MYO9A: variants seen among roughly 807,000 people sequenced by gnomAD.
MYO9A encodes unconventional myosin-IXa.
MYO9A carries 103 observed loss-of-function variants against 293.3 expected under a neutral mutation model. The observed-to-expected ratio is 0.35, with a 90% confidence interval of 0.30 to 0.41. The LOEUF (loss-of-function observed/expected upper bound fraction) is 0.41. Ranked by LOEUF, MYO9A falls within the 10% of genes least tolerant of loss-of-function variation. MYO9A has a pLI of 1.00. For synonymous variants in MYO9A, 1,001 were observed against 1,035.7 expected, an observed-to-expected ratio of 0.97 and a Z score of 0.64; for missense variants, 2,685 against 3,033.0, an observed-to-expected ratio of 0.89 and a Z score of 2.69.
upstream of MYO9A, chr15:72,118,182 G>C: frequency 2.7e-6 from 1 of 365,014 alleles, no homozygotes; most frequent in Admixed American, 4.7e-5. Flanking sequence ...CTGCCAGCAC[G>C]GGTCGGCCCC....
intron 1 of MYO9A, among the ~76,000 whole-genome samples, chr15:72,091,325 T>C (rs185639473): frequency 2.6e-5 from 4 of 152,324 alleles, no homozygotes; most frequent in African/African-American, 4.8e-5. Context: ...TTGATATCCA[T>C]ATGGGGTGTT....
At position 71,825,390 on chromosome 15, in the gene MYO9A, C is replaced by G. The variant is rs1410537159; in HGVS notation, c.*1190G>C. The G allele has an allele frequency of 1.3e-5, 2 of 152,128 alleles. No individual in the cohort carries two copies. Among genetic ancestry groups the G allele is most frequent in the Non-Finnish European group, 2.9e-5 (2 of 68,030 alleles). The allele number at this position is 152,128 out of a possible 1,614,324, so 9.4% of individuals were successfully genotyped here. A position where few individuals can be genotyped will look rare whatever the true frequency, so the allele number is the denominator to read the frequency against. ...CATATTTACAATAAACTTCAGTAAC[C>G]AGAATATTAACAAAAATAGCTTCAA... is the stretch of plus-strand genomic sequence containing the variant. On this transcript the variant is annotated 3_prime_UTR_variant, in exon 42 of 42. Coordinates refer to ENST00000356056, the MANE Select transcript of MYO9A (RefSeq NM_006901.4).
At chr15:71,868,324 T>C (rs185458451) in intron 32 of MYO9A, among the ~76,000 whole-genome samples, 4 of 152,322 alleles carry the variant, frequency 2.6e-5, no homozygotes, top group East Asian at 1.9e-4. Context: ...CAAAAGAGGA[T>C]TGAGTCCTTC....
At chr15:71,995,721 T>A (rs879894618) in intron 9 of MYO9A, among the ~76,000 whole-genome samples, 2 of 152,088 alleles carry the variant, frequency 1.3e-5, no homozygotes, top group African/African-American at 4.8e-5. Flanking sequence ...TTTTGAAGTA[T>A]AAAGAAAATA....
At chr15:71,841,706 G>C (rs2055166757) in intron 39 of MYO9A, among the ~76,000 whole-genome samples, 1 of 151,704 alleles carries the variant, frequency 6.6e-6, no homozygotes, top group Admixed American at 6.6e-5. Context: ...TGCAGTCATG[G>C]CTCACTGCAG....
intron 2 of MYO9A, among the ~76,000 whole-genome samples, chr15:72,033,070 G>A (rs1306133996): frequency 6.6e-6 from 1 of 151,870 alleles, no homozygotes; most frequent in Non-Finnish European, 1.5e-5. Flanking sequence ...TGGCTGGTCT[G>A]GAACCCCTGA....
intron 8 of MYO9A, 110 bp from the exon 9 acceptor site, chr15:72,000,050 A>G (rs756646743): frequency 1.3e-4 from 101 of 768,024 alleles, no homozygotes; most frequent in Non-Finnish European, 1.7e-4. Flanking sequence ...TAGCAATTAC[A>G]TAGCAGAGAA....
At chr15:72,118,232 CA>C, upstream of MYO9A, 1 of 339,708 alleles carries the variant, frequency 2.9e-6, no homozygotes, top group Non-Finnish European at 5.3e-6. Context: ...CTGGAGAGTA[CA>C]GCGTGCGCTT....
intron 11 of MYO9A, among the ~76,000 whole-genome samples, chr15:71,979,857 G>C (rs1292921223): frequency 6.6e-6 from 1 of 152,178 alleles, no homozygotes; most frequent in African/African-American, 2.4e-5. Flanking sequence ...CAGAATTTCT[G>C]CTTAAGTAGG....
intron 15 of MYO9A, among the ~76,000 whole-genome samples, chr15:71,946,608 G>T (rs1273016164): frequency 6.6e-6 from 1 of 152,184 alleles, no homozygotes; most frequent in Non-Finnish European, 1.5e-5. Flanking sequence ...ATCCAATACA[G>T]TAGCCACTAG....
Position 71,967,993 on chromosome 15 carries a change from A to G in MYO9A, c.1977T>C (p.Tyr659=). The change falls in exon 13 of 42, where the codon TAT becomes TAC. Residue 659 remains tyrosine (Y), a synonymous_variant. Coordinates refer to ENST00000356056, the MANE Select transcript of MYO9A (RefSeq NM_006901.4). ...IIKHYAGKVK[Y]GVKDFREKNT... is the part of the protein sequence containing the mutation. ...TGAGAAATTTACTGACCTTTACCCC[A>G]TATTTTACTTTTCCAGCATAATGTT... 2.5e-6 allele frequency: 4 copies of G among 1,610,022 alleles called. No individual in the cohort carries two copies. The highest frequency in any genetic ancestry group is 1.3e-5 in the African/African-American group (1 of 74,874).
chr15:72,108,630 T>C (rs890669510), intron 1 of MYO9A, among the ~76,000 whole-genome samples: 5 of 152,198 alleles, frequency 3.3e-5, no homozygotes, highest in Non-Finnish European at 5.9e-5. Flanking sequence ...AAAATTCAAA[T>C]ATAAATTCAA....
intron 13 of MYO9A, among the ~76,000 whole-genome samples, chr15:71,961,825 A>AT (rs2075753369): frequency 6.6e-6 from 1 of 152,114 alleles, no homozygotes; most frequent in Non-Finnish European, 1.5e-5. Flanking sequence ...GACTCAGGCA[A>AT]TCCCCTGCCT....
rs1463918552 is a variant in MYO9A at position 71,899,686 on chromosome 15, C to T, written c.3470+1G>A. ...GCAATTATTATAGTAATAGAGATTA[C>T]CTTTGTCTTGCTCTGAATCCTCTAC... On this transcript the variant is annotated splice_donor_variant, in intron 24 of 41. Transcript: ENST00000356056. LOFTEE classifies it high-confidence loss of function. 6.2e-6 allele frequency: 10 copies of T among 1,608,502 alleles called. No homozygotes were observed. The highest frequency in any genetic ancestry group is 2.2e-5 in the East Asian group (1 of 44,834).
intron 6 of MYO9A, among the ~76,000 whole-genome samples, chr15:72,015,122 C>A (rs2077293044): frequency 6.6e-6 from 1 of 151,312 alleles, no homozygotes; most frequent in African/African-American, 2.4e-5. Flanking sequence ...GGATTACAAG[C>A]GTGACCCACC....
intron 11 of MYO9A, among the ~76,000 whole-genome samples, chr15:71,982,154 G>T (rs762242711): frequency 1.8e-4 from 27 of 151,336 alleles, no homozygotes; most frequent in Non-Finnish European, 3.4e-4. Flanking sequence ...TGAGTAGCTG[G>T]GACTACAGGG....
At chr15:72,061,316 C>CA (rs1164313706) in intron 1 of MYO9A, among the ~76,000 whole-genome samples, 2 of 151,908 alleles carry the variant, frequency 1.3e-5, no homozygotes, top group Admixed American at 1.3e-4. Context: ...GAGAGAAGAG[C>CA]AAAAATGACT....
intron 19 of MYO9A, among the ~76,000 whole-genome samples, chr15:71,905,762 C>CAAAAAAAAA (rs3086807): frequency 2.8e-5 from 2 of 71,892 alleles, no homozygotes; most frequent in Non-Finnish European, 4.8e-5. Context: ...GACTCTGTCT[C>CAAAAAAAAA]AAAAAAAAAA....
chr15:72,118,051 C>G lies in MYO9A; in HGVS notation c.-443G>C. 2.5e-6 allele frequency: 1 copy of G among 396,256 alleles called. No homozygotes were observed. The highest frequency in any genetic ancestry group is 4.5e-6 in the Non-Finnish European group (1 of 224,470). 24.5% of individuals were successfully genotyped at this position (396,256 alleles called of 1,614,324 possible). ...CTCTCTCAACAGACACAGCCAACCG[C>G]CGCCGCGTCCCTTATCCGCTTCGGT... On this transcript the variant is annotated 5_prime_UTR_variant, in exon 1 of 42. Coordinates refer to ENST00000356056, the MANE Select transcript of MYO9A (RefSeq NM_006901.4).
Sources: allele counts gnomAD v4.1 joint callset (sites outside exome capture counted in the v4.1 genomes callset), GRCh38; gene constraint gnomAD v4.1.1; transcripts MANE v1.5; gene names NCBI Gene and HGNC (gene_info 2026-07-23, HGNC 2026-07-21).